The following MAPRE2 variants were observed in gnomAD, a reference collection of about 807,000 sequenced individuals.
The protein encoded by MAPRE2 is microtubule-associated protein RP/EB family member 2.
In MAPRE2, 13 loss-of-function variants were observed where a neutral mutation model predicts 43.2. That is an observed-to-expected ratio of 0.30 (90% CI 0.20 to 0.48). MAPRE2 has a LOEUF of 0.48. Ranked by LOEUF, MAPRE2 falls within the 20% of genes least tolerant of loss-of-function variation. The pLI, the probability that MAPRE2 is intolerant of heterozygous loss-of-function variation, is 0.99. For missense variants in MAPRE2, 161 were observed against 400.2 expected (o/e 0.40, Z 5.10); for synonymous variants, 135 against 148.8 (o/e 0.91, Z 0.68).
intron 2 of MAPRE2, among the ~76,000 whole-genome samples, chr18:35,008,902 T>C (rs1260879095): frequency 2.0e-5 from 3 of 152,196 alleles, no homozygotes; most frequent in Admixed American, 2.0e-4. Context: ...TTCAATAGTA[T>C]TTACTGAATG....
chr18:35,138,280 G>A (rs1189559524), intron 6 of MAPRE2, among the ~76,000 whole-genome samples: 2 of 152,132 alleles, frequency 1.3e-5, no homozygotes, highest in Admixed American at 1.3e-4. Context: ...TAAGGAATTT[G>A]GGAGTGCAAG....
At chr18:35,050,333 A>G (rs1248774579) in intron 1 of MAPRE2, among the ~76,000 whole-genome samples, 1 of 152,240 alleles carries the variant, frequency 6.6e-6, no homozygotes, top group African/African-American at 2.4e-5. Flanking sequence ...AGTCACATGG[A>G]TGACAGTAAA....
At chr18:35,114,360 G>A (rs911340785) in intron 4 of MAPRE2, among the ~76,000 whole-genome samples, 1 of 151,970 alleles carries the variant, frequency 6.6e-6, no homozygotes, top group African/African-American at 2.4e-5. Context: ...TTTTTTTATC[G>A]TGATTTTTCA....
intron 2 of MAPRE2, among the ~76,000 whole-genome samples, chr18:35,076,260 G>A (rs1907347140): frequency 6.6e-6 from 1 of 152,206 alleles, no homozygotes; most frequent in South Asian, 2.1e-4. Context: ...CATAGTCATT[G>A]CCCTCAAATA....
chr18:35,131,717 C>T (rs1321971296), intron 5 of MAPRE2, among the ~76,000 whole-genome samples: 1 of 152,144 alleles, frequency 6.6e-6, no homozygotes, highest in Non-Finnish European at 1.5e-5. Context: ...AAGATGTGTT[C>T]CAGCCTATGT....
At chr18:34,978,623 T>TGG in intron 1 of MAPRE2, 1 of 1,228,500 alleles carries the variant, frequency 8.1e-7, no homozygotes, top group Non-Finnish European at 1.2e-6. Flanking sequence ...AAAAGGGGTA[T>TGG]GGCTCTTGGT....
chr18:35,050,056 T>A (rs776664826), intron 1 of MAPRE2, among the ~76,000 whole-genome samples: 1 of 152,178 alleles, frequency 6.6e-6, no homozygotes, highest in Non-Finnish European at 1.5e-5. Context: ...GAAAATGAGA[T>A]CATATATTCA....
At chr18:34,980,336 A>C (rs1160196195) in intron 1 of MAPRE2, among the ~76,000 whole-genome samples, 1 of 151,968 alleles carries the variant, frequency 6.6e-6, no homozygotes, top group Non-Finnish European at 1.5e-5. Flanking sequence ...CAATTTCTTT[A>C]AGGAGGAAAA....
intron 1 of MAPRE2, among the ~76,000 whole-genome samples, chr18:35,049,400 C>A (rs1905818269): frequency 6.6e-6 from 1 of 152,114 alleles, no homozygotes; most frequent in South Asian, 2.1e-4. Context: ...TTTTAAAATC[C>A]CCACTCTTGG....
intron 1 of MAPRE2, among the ~76,000 whole-genome samples, chr18:35,065,000 A>G (rs1906762194): frequency 6.6e-6 from 1 of 152,200 alleles, no homozygotes; most frequent in Admixed American, 6.5e-5. Flanking sequence ...TTTGCAAAAC[A>G]AAACAAAAAA....
At chr18:35,131,790 G>A (rs1243098169) in intron 5 of MAPRE2, 2 of 499,056 alleles carry the variant, frequency 4.0e-6, no homozygotes, top group Non-Finnish European at 7.2e-6. Flanking sequence ...AGACCACTCT[G>A]TCCCTGGTTA....
chr18:35,030,768 T>G (rs1336020102), intron 2 of MAPRE2, among the ~76,000 whole-genome samples: 1 of 151,840 alleles, frequency 6.6e-6, no homozygotes, highest in Non-Finnish European at 1.5e-5. Context: ...CACATTCTGG[T>G]TTCTCTGTGA....
chr18:35,080,389 G>C (rs561483116), intron 2 of MAPRE2, among the ~76,000 whole-genome samples: 2 of 152,304 alleles, frequency 1.3e-5, no homozygotes, highest in South Asian at 2.1e-4. Flanking sequence ...CTCCCTGACA[G>C]GTCTATTCAG....
chr18:34,999,131 C>T (rs1026029875), intron 1 of MAPRE2, among the ~76,000 whole-genome samples: 1 of 152,136 alleles, frequency 6.6e-6, no homozygotes. Flanking sequence ...ACGTAACATG[C>T]ATTCTGCCAC....
intron 1 of MAPRE2, among the ~76,000 whole-genome samples, chr18:34,998,605 G>A (rs988287726): frequency 2.6e-5 from 4 of 151,798 alleles, no homozygotes; most frequent in African/African-American, 9.7e-5. Flanking sequence ...GGGATTACAG[G>A]CATGAGCCAC....
chr18:35,035,544 C>T (rs1230744841), intron 2 of MAPRE2, among the ~76,000 whole-genome samples: 1 of 151,806 alleles, frequency 6.6e-6, no homozygotes, highest in Non-Finnish European at 1.5e-5. Context: ...TGCCTCCTAC[C>T]TGTTAAAAGA....
At chr18:35,085,854 G>C (rs1340623906) in intron 2 of MAPRE2, among the ~76,000 whole-genome samples, 1 of 152,174 alleles carries the variant, frequency 6.6e-6, no homozygotes, top group Non-Finnish European at 1.5e-5. Flanking sequence ...CATTCAAGAT[G>C]AGAAGGCTCA....
chr18:35,071,383 A>G (rs1907110741), intron 2 of MAPRE2, among the ~76,000 whole-genome samples: 1 of 152,166 alleles, frequency 6.6e-6, no homozygotes, highest in Non-Finnish European at 1.5e-5. Flanking sequence ...CCTGTCTCTA[A>G]AACAAAACAA....
At chr18:35,123,211 C>T (rs1909766794) in intron 4 of MAPRE2, among the ~76,000 whole-genome samples, 1 of 151,838 alleles carries the variant, frequency 6.6e-6, no homozygotes, top group Non-Finnish European at 1.5e-5. Flanking sequence ...GTTTTTTTTT[C>T]AAGCTCTGTT....
Sources: allele counts gnomAD v4.1 joint callset (sites outside exome capture counted in the v4.1 genomes callset), GRCh38; gene constraint gnomAD v4.1.1; transcripts MANE v1.5; gene names NCBI Gene and HGNC (gene_info 2026-07-23, HGNC 2026-07-21).